RAP1A: variants seen among roughly 807,000 people sequenced by gnomAD.
The protein encoded by RAP1A is ras-related protein Rap-1A.
RAP1A carries 6 observed loss-of-function variants against 26.4 expected under a neutral mutation model. The observed-to-expected ratio is 0.23, with a 90% CI of 0.12 to 0.45. The LOEUF is 0.45. Ranked by LOEUF, RAP1A falls within the 20% of genes least tolerant of loss-of-function variation. The pLI, the probability that RAP1A is intolerant of heterozygous loss-of-function variation, is 0.99. For missense variants in RAP1A, 121 were observed against 217.2 expected (o/e 0.56, Z 2.78); for synonymous variants, 73 against 79.4 (o/e 0.92, Z 0.43).
At chr1:111,671,873 A>C (rs1191791065) in intron 1 of RAP1A, among the ~76,000 whole-genome samples, 1 of 152,202 alleles carries the variant, frequency 6.6e-6, no homozygotes, top group Admixed American at 6.5e-5. Context: ...ATTATTTAGA[A>C]TTCTGTTTCA....
intron 1 of RAP1A, among the ~76,000 whole-genome samples, chr1:111,551,813 G>C (rs1292785721): frequency 6.7e-5 from 10 of 150,246 alleles, no homozygotes. Flanking sequence ...AACTTTATTG[G>C]GGCATGCCTT....
chr1:111,703,580 C>A (rs1662089887), intron 5 of RAP1A, 104 bp downstream of exon 5: 1 of 1,151,356 alleles, frequency 8.7e-7, no homozygotes, highest in Non-Finnish European at 1.2e-6. Context: ...CTATCTACCA[C>A]ATGCCTGAAA....
intron 1 of RAP1A, among the ~76,000 whole-genome samples, chr1:111,631,877 C>T (rs986949695): frequency 6.6e-6 from 1 of 150,938 alleles, no homozygotes; most frequent in African/African-American, 2.5e-5. Context: ...GCTTTGTTAA[C>T]TGAGTAATTT....
intron 1 of RAP1A, among the ~76,000 whole-genome samples, chr1:111,586,508 A>T (rs1658367430): frequency 6.6e-6 from 1 of 152,192 alleles, no homozygotes; most frequent in African/African-American, 2.4e-5. Context: ...GCTTGAGCCC[A>T]GGAGGTCAAG....
At chr1:111,622,525 T>G (rs2101091304) in intron 1 of RAP1A, among the ~76,000 whole-genome samples, 1 of 152,324 alleles carries the variant, frequency 6.6e-6, no homozygotes, top group African/African-American at 2.4e-5. Flanking sequence ...CTTCCCTTAC[T>G]ACCCTTCCCT....
At chr1:111,695,470 A>T in intron 3 of RAP1A, 61 bp downstream of exon 3, 1 of 1,237,948 alleles carries the variant, frequency 8.1e-7, no homozygotes, top group Non-Finnish European at 1.1e-6. Flanking sequence ...TTAAAATTTG[A>T]TCTGTAGATT....
At chr1:111,699,872 C>G (rs1406917341) in intron 4 of RAP1A, among the ~76,000 whole-genome samples, 3 of 152,172 alleles carry the variant, frequency 2.0e-5, no homozygotes, top group African/African-American at 7.2e-5. Context: ...CTGCATATAG[C>G]TTCAGGTCCA....
chr1:111,663,992 T>C (rs143911830), intron 1 of RAP1A, among the ~76,000 whole-genome samples: 79 of 152,344 alleles, frequency 5.2e-4, no homozygotes, highest in African/African-American at 1.8e-3. Context: ...AAACTCTTGC[T>C]CAAAAGCCTT....
intron 1 of RAP1A, among the ~76,000 whole-genome samples, chr1:111,592,827 T>C (rs1379166999): frequency 2.6e-5 from 4 of 152,144 alleles, no homozygotes; most frequent in Non-Finnish European, 5.9e-5. Context: ...CCCTCCCATC[T>C]GCACGCCCCC....
At chr1:111,608,997 G>A (rs1351856924) in intron 1 of RAP1A, among the ~76,000 whole-genome samples, 1 of 152,246 alleles carries the variant, frequency 6.6e-6, no homozygotes, top group African/African-American at 2.4e-5. Context: ...AAACCTGAGC[G>A]ATTTTAAGAT....
intron 2 of RAP1A, 29 bp from the exon 3 acceptor site, chr1:111,695,312 T>C: frequency 1.3e-6 from 2 of 1,505,978 alleles, no homozygotes; most frequent in Non-Finnish European, 1.8e-6. Context: ...CCTTTAATTT[T>C]TTAATATTTC....
intron 1 of RAP1A, among the ~76,000 whole-genome samples, chr1:111,596,960 T>C (rs969572918): frequency 1.2e-4 from 19 of 152,238 alleles, no homozygotes; most frequent in African/African-American, 3.9e-4. Flanking sequence ...ATAAAGTTTG[T>C]TGAATGAATA....
At chr1:111,561,055 A>G (rs1657717285) in intron 1 of RAP1A, among the ~76,000 whole-genome samples, 1 of 152,170 alleles carries the variant, frequency 6.6e-6, no homozygotes, top group African/African-American at 2.4e-5. Context: ...AAAGAGGACC[A>G]TACCCTGAAG....
intron 5 of RAP1A, 32 bp from the exon 6 acceptor site, chr1:111,704,311 A>G (rs200147638): frequency 8.9e-4 from 1,433 of 1,607,278 alleles, no homozygotes; most frequent in Non-Finnish European, 1.1e-3. Flanking sequence ...TGAGTATGTT[A>G]TTGTTCATTT....
At chr1:111,655,406 T>A (rs181766736) in intron 1 of RAP1A, among the ~76,000 whole-genome samples, 8 of 152,048 alleles carry the variant, frequency 5.3e-5, no homozygotes, top group South Asian at 2.1e-4. Context: ...AAACTTTTTT[T>A]AAAGATAAAT....
chr1:111,708,577 T>A (rs1662272613), intron 6 of RAP1A, among the ~76,000 whole-genome samples: 1 of 152,234 alleles, frequency 6.6e-6, no homozygotes, highest in Admixed American at 6.5e-5. Context: ...AAGTACATTA[T>A]TGGGGCAGTT....
intron 1 of RAP1A, among the ~76,000 whole-genome samples, chr1:111,639,873 T>A (rs1382305651): frequency 1.3e-5 from 2 of 152,222 alleles, no homozygotes; most frequent in African/African-American, 4.8e-5. Flanking sequence ...AAGCCAACTT[T>A]TTCCCCTCAT....
intron 1 of RAP1A, among the ~76,000 whole-genome samples, chr1:111,673,376 G>T (rs906818487): frequency 2.0e-5 from 3 of 152,100 alleles, no homozygotes; most frequent in Non-Finnish European, 1.5e-5. Context: ...AATGAATTTT[G>T]TTTTATAAGT....
At chr1:111,679,321 G>A (rs1048527232) in intron 1 of RAP1A, among the ~76,000 whole-genome samples, 1 of 152,130 alleles carries the variant, frequency 6.6e-6, no homozygotes, top group African/African-American at 2.4e-5. Flanking sequence ...AAGGGAAGCC[G>A]TGAGGGACTG....
Sources: allele counts gnomAD v4.1 joint callset (sites outside exome capture counted in the v4.1 genomes callset), GRCh38; gene constraint gnomAD v4.1.1; transcripts MANE v1.5; gene names NCBI Gene and HGNC (gene_info 2026-07-23, HGNC 2026-07-21).